Variants in MAP3K20 observed in about 807,000 individuals in gnomAD.
MAP3K20 encodes HCCS-4.
In MAP3K20, 40 loss-of-function variants were observed where a neutral mutation model predicts 85.7. The observed-to-expected ratio is 0.47, with a 90% CI of 0.36 to 0.61. The LOEUF (loss-of-function observed/expected upper bound fraction) is 0.61, where lower values mean the gene tolerates loss of function less well. Among genes scored for constraint, MAP3K20 ranks in the 20% least tolerant of loss-of-function variants. The pLI is 0.00. For synonymous variants in MAP3K20, 325 were observed against 327.7 expected, an observed-to-expected ratio of 0.99 and a Z score of 0.09; for missense variants, 817 against 961.7, an observed-to-expected ratio of 0.85 and a Z score of 1.99.
intron 11 of MAP3K20, among the ~76,000 whole-genome samples, chr2:173,227,797 G>A (rs1295760523): frequency 3.3e-5 from 5 of 152,076 alleles, no homozygotes; most frequent in Admixed American, 3.3e-4. Flanking sequence ...TTCTATAAAG[G>A]TGAGCCTTGA....
At chr2:173,243,665 C>T (rs992032326) in intron 16 of MAP3K20, among the ~76,000 whole-genome samples, 2 of 152,140 alleles carry the variant, frequency 1.3e-5, no homozygotes, top group Non-Finnish European at 2.9e-5. Flanking sequence ...TCGCCCAGGC[C>T]AGAGTGCAGT....
intron 16 of MAP3K20, among the ~76,000 whole-genome samples, chr2:173,241,028 A>G (rs1234504722): frequency 6.6e-6 from 1 of 152,212 alleles, no homozygotes; most frequent in African/African-American, 2.4e-5. Flanking sequence ...GACGGAAGCT[A>G]AAAATTAAAA....
intron 16 of MAP3K20, among the ~76,000 whole-genome samples, chr2:173,252,101 T>C (rs62174364): frequency 0.061 from 9,230 of 152,294 alleles, 363 homozygotes; most frequent in Non-Finnish European, 0.088. Flanking sequence ...CTCTATCTTA[T>C]TTCTTTTTAT....
At chr2:173,255,509 T>C (rs1574162060) in intron 16 of MAP3K20, among the ~76,000 whole-genome samples, 1 of 152,230 alleles carries the variant, frequency 6.6e-6, no homozygotes, top group Non-Finnish European at 1.5e-5. Context: ...AGGGTTCTGA[T>C]GGATATCCAA....
chr2:173,159,348 T>TTTCTTTCTTTC (rs146193671), intron 2 of MAP3K20, among the ~76,000 whole-genome samples: 1 of 147,840 alleles, frequency 6.8e-6, no homozygotes, highest in Non-Finnish European at 1.5e-5. Context: ...TGTATTTTAC[T>TTTCTTTCTTTC]CTTTCTTTCT....
intron 16 of MAP3K20, among the ~76,000 whole-genome samples, chr2:173,250,299 G>A (rs1477271617): frequency 2.0e-5 from 3 of 152,186 alleles, no homozygotes; most frequent in Non-Finnish European, 4.4e-5. Flanking sequence ...CAGCACAGTT[G>A]TGGGGACTGA....
intron 19 of MAP3K20, among the ~76,000 whole-genome samples, chr2:173,264,544 G>A (rs138756201): frequency 1.3e-5 from 2 of 152,290 alleles, no homozygotes; most frequent in African/African-American, 4.8e-5. Flanking sequence ...CAGCAATTCT[G>A]CTTTGGCCAG....
chr2:173,166,203 T>C (rs1167183863), intron 2 of MAP3K20, among the ~76,000 whole-genome samples: 1 of 152,246 alleles, frequency 6.6e-6, no homozygotes, highest in Non-Finnish European at 1.5e-5. Context: ...CTTTTGTGCC[T>C]GGCATATTTT....
At chr2:173,261,041 C>T in intron 17 of MAP3K20, 22 bp from the exon 18 acceptor site, 1 of 1,610,578 alleles carries the variant, frequency 6.2e-7, no homozygotes, top group Non-Finnish European at 8.5e-7. Flanking sequence ...GGTACTACAC[C>T]ATCCTAACTT....
At chr2:173,076,472 C>T (rs902046488) in intron 1 of MAP3K20, among the ~76,000 whole-genome samples, 29 of 152,290 alleles carry the variant, frequency 1.9e-4, no homozygotes, top group African/African-American at 6.7e-4. Flanking sequence ...GTGCAGGCCA[C>T]TTCCCAGCAC....
At chr2:173,113,439 G>T (rs924645412) in intron 2 of MAP3K20, among the ~76,000 whole-genome samples, 1 of 151,906 alleles carries the variant, frequency 6.6e-6, no homozygotes, top group Non-Finnish European at 1.5e-5. Flanking sequence ...GCTAGGTTTG[G>T]GTTTGGTTTG....
intron 10 of MAP3K20, chr2:173,212,561 G>A (rs59500540): frequency 0.16 from 24,558 of 152,262 alleles, 2,192 homozygotes; most frequent in South Asian, 0.28. Context: ...CACTTTGGGA[G>A]GCCGAAGTGA....
intron 7 of MAP3K20, among the ~76,000 whole-genome samples, chr2:173,194,802 A>G (rs1424295229): frequency 6.6e-6 from 1 of 151,752 alleles, no homozygotes; most frequent in Non-Finnish European, 1.5e-5. Context: ...ACTGCAATAT[A>G]TTTTTGCTTT....
chr2:173,202,581 T>G (rs1383432524), intron 8 of MAP3K20, among the ~76,000 whole-genome samples: 1 of 152,176 alleles, frequency 6.6e-6, no homozygotes, highest in East Asian at 1.9e-4. Flanking sequence ...GTAACACAAC[T>G]ACCTACACAC....
chr2:173,082,465 C>T (rs1687038142), intron 1 of MAP3K20, among the ~76,000 whole-genome samples: 1 of 152,142 alleles, frequency 6.6e-6, no homozygotes, highest in South Asian at 2.1e-4. Context: ...GCACTCAGTC[C>T]AAAGTTGTAC....
chr2:173,183,415 C>T (rs1447864038), intron 4 of MAP3K20, among the ~76,000 whole-genome samples: 1 of 152,048 alleles, frequency 6.6e-6, no homozygotes, highest in African/African-American at 2.4e-5. Flanking sequence ...TTTATTTGTC[C>T]TGCCATGTAA....
intron 9 of MAP3K20, among the ~76,000 whole-genome samples, chr2:173,208,426 T>C (rs1683764258): frequency 6.6e-6 from 1 of 151,642 alleles, no homozygotes; most frequent in Non-Finnish European, 1.5e-5. Context: ...TTTTAAAACC[T>C]GATACATGCT....
intron 1 of MAP3K20, among the ~76,000 whole-genome samples, chr2:173,087,607 A>G (rs1687178116): frequency 6.6e-6 from 1 of 152,214 alleles, no homozygotes; most frequent in African/African-American, 2.4e-5. Flanking sequence ...TCAATAGAGG[A>G]TCCTAAAAGC....
At chr2:173,116,874 T>G (rs1359904502) in intron 2 of MAP3K20, among the ~76,000 whole-genome samples, 1 of 152,238 alleles carries the variant, frequency 6.6e-6, no homozygotes, top group African/African-American at 2.4e-5. Context: ...ACAGTAAATA[T>G]TGTGAATTCA....
Sources: gnomAD v4.1 joint callset for allele counts (sites outside exome capture counted in the v4.1 genomes callset) on GRCh38, gnomAD v4.1.1 for gene constraint, MANE v1.5 for transcripts, NCBI Gene and HGNC (gene_info 2026-07-23, HGNC 2026-07-21) for gene names.